The following NUBPL variants were observed in gnomAD, a reference collection of about 807,000 sequenced individuals.
NUBPL encodes iron-sulfur cluster transfer protein NUBPL.
Under a neutral mutation model 45.7 loss-of-function variants are expected in NUBPL, and 31 were observed. The observed-to-expected ratio is 0.68, with a 90% CI of 0.51 to 0.92. The LOEUF (loss-of-function observed/expected upper bound fraction) is 0.92, where lower values mean the gene tolerates loss of function less well. Ranked by LOEUF, NUBPL falls within the 40% of genes least tolerant of loss-of-function variation. NUBPL has a pLI of 0.00. For missense variants in NUBPL, 401 were observed against 398.7 expected (o/e 1.01, Z -0.05); for synonymous variants, 144 against 140.9 (o/e 1.02, Z -0.15).
At chr14:31,647,752 G>T (rs914909316) in intron 4 of NUBPL, among the ~76,000 whole-genome samples, 1 of 152,182 alleles carries the variant, frequency 6.6e-6, no homozygotes, top group African/African-American at 2.4e-5. Context: ...TTGAGGCTGG[G>T]ACAGATCTTC....
chr14:31,716,392 G>A (rs971236266), intron 6 of NUBPL, among the ~76,000 whole-genome samples: 1 of 152,042 alleles, frequency 6.6e-6, no homozygotes, highest in Non-Finnish European at 1.5e-5. Context: ...TTATGTGACT[G>A]GCAGTGCAGT....
intron 3 of NUBPL, among the ~76,000 whole-genome samples, chr14:31,580,728 A>G (rs2033839734): frequency 1.3e-5 from 2 of 152,212 alleles, no homozygotes; most frequent in Admixed American, 6.5e-5. Context: ...GAATTGAGTA[A>G]TTGGGCCACA....
At chr14:31,749,972 A>G (rs572285728) in intron 6 of NUBPL, among the ~76,000 whole-genome samples, 30 of 152,118 alleles carry the variant, frequency 2.0e-4, no homozygotes, top group Non-Finnish European at 3.4e-4. Flanking sequence ...TCTTCTGATG[A>G]TCTATTCTAT....
intron 4 of NUBPL, among the ~76,000 whole-genome samples, chr14:31,599,751 AGTG>A: frequency 6.6e-6 from 1 of 152,276 alleles, no homozygotes; most frequent in African/African-American, 2.4e-5. Context: ...AAGCAGTCAT[AGTG>A]GTGGTGGGTT....
At chr14:31,855,660 T>G (rs2040605657) in intron 10 of NUBPL, among the ~76,000 whole-genome samples, 1 of 152,092 alleles carries the variant, frequency 6.6e-6, no homozygotes, top group African/African-American at 2.4e-5. Context: ...AAAATGACTT[T>G]TAATACTTTT....
chr14:31,833,563 A>G (rs1329502771), intron 8 of NUBPL, among the ~76,000 whole-genome samples: 2 of 152,136 alleles, frequency 1.3e-5, no homozygotes, highest in African/African-American at 2.4e-5. Flanking sequence ...TTACAAGTAG[A>G]CCCCAAAATA....
chr14:31,745,360 G>GTCCC (rs2038375368), intron 6 of NUBPL, among the ~76,000 whole-genome samples: 1 of 150,322 alleles, frequency 6.7e-6, no homozygotes, highest in African/African-American at 2.5e-5. Flanking sequence ...CTTCATCCAT[G>GTCCC]TCCCTACAAA....
At position 31,667,151 on chromosome 14, in the gene NUBPL, C is replaced by T. The variant is rs546228645; in HGVS notation, c.383-6204C>T. ...TGATATCCTGAAGAGTGTTTTCCAG[C>T]TCGGTTACATTCTCCTCATCACTTT... On this transcript the variant is annotated intron_variant, in intron 4 of 10. Transcript: ENST00000281081. Among the ~76,000 whole-genome samples, 6 of 152,228 alleles carry T rather than the reference C, an allele frequency of 3.9e-5. No homozygotes were observed. In the South Asian group the frequency reaches 1.2e-3, roughly 32 times the overall value.
intron 6 of NUBPL, among the ~76,000 whole-genome samples, chr14:31,764,717 T>G (rs573927662): frequency 1.9e-4 from 29 of 152,304 alleles, no homozygotes; most frequent in Non-Finnish European, 3.2e-4. Flanking sequence ...CTTAATGGTC[T>G]TTTAATGAGA....
In NUBPL at chr14:31,692,210, A is replaced by G. The variant is rs144329146; in HGVS notation, c.513+18636A>G. On this transcript the variant is annotated intron_variant, in intron 6 of 10. Transcript: ENST00000281081. Reference sequence around the variant, plus strand: ...ATAATTATAGGTGTAAACATCTAATACATTTCACTCAATGAATAACTGATA... The same window carrying G: ...ATAATTATAGGTGTAAACATCTAATGCATTTCACTCAATGAATAACTGATA... Among the ~76,000 whole-genome samples, 423 of 152,330 alleles carry G rather than the reference A, an allele frequency of 2.8e-3. 2 individuals are homozygous for G. Among genetic ancestry groups the G allele is most frequent in the African/African-American group, 9.1e-3 (380 of 41,584 alleles).
intron 4 of NUBPL, among the ~76,000 whole-genome samples, chr14:31,619,140 A>C (rs2034991423): frequency 2.6e-5 from 4 of 152,074 alleles, no homozygotes; most frequent in Non-Finnish European, 1.5e-5. Flanking sequence ...TTGCTTGGTA[A>C]ATATTCCTCC....
rs549196066 is a variant in NUBPL at position 31,851,242 on chromosome 14, T to C, written c.897+1041T>C. Among the ~76,000 whole-genome samples the C allele has an allele frequency of 2.0e-5, 3 of 151,826 alleles. No homozygotes were observed. In the South Asian group the frequency reaches 6.2e-4, roughly 32 times the overall value. On this transcript the variant is annotated intron_variant, in intron 10 of 10. Transcript: ENST00000281081. ...AATCTTCTAATAGTTTTTCTTTTTT[T>C]TTTTTTTTCTTTTCCTTAACTAATG...
At chr14:31,743,139 C>T (rs949024897) in intron 6 of NUBPL, among the ~76,000 whole-genome samples, 1 of 152,088 alleles carries the variant, frequency 6.6e-6, no homozygotes, top group Admixed American at 6.5e-5. Context: ...CTGAGCCTAA[C>T]AGTCTCCTTC....
chr14:31,825,792 T>C (rs1460018156), intron 7 of NUBPL, among the ~76,000 whole-genome samples: 1 of 145,014 alleles, frequency 6.9e-6, no homozygotes, highest in East Asian at 2.0e-4. Flanking sequence ...TCTTCTTTCT[T>C]CATTTCTTCT....
intron 10 of NUBPL, among the ~76,000 whole-genome samples, chr14:31,851,013 T>TATA (rs1368215211): frequency 6.6e-6 from 1 of 152,150 alleles, no homozygotes; most frequent in Non-Finnish European, 1.5e-5. Flanking sequence ...GCCAACATAG[T>TATA]TGGAGATATA....
rs143370234 is a variant in NUBPL, at chr14:31,785,989, C to T, written c.514-1791C>T. On this transcript the variant is annotated intron_variant, in intron 6 of 10. Coordinates refer to ENST00000281081, the MANE Select transcript of NUBPL (RefSeq NM_025152.3). ...GCTTGGCAACATGGCGAAACCCTGT[C>T]TCTACAAAAAATACAAAAATTGACC... Among the ~76,000 whole-genome samples, 995 of 152,052 alleles carry T rather than the reference C, an allele frequency of 6.5e-3. 12 individuals are homozygous for T. The highest frequency in any genetic ancestry group is 0.022 in the African/African-American group (932 of 41,500).
chr14:31,598,876 C>T (rs1163558458), intron 3 of NUBPL, among the ~76,000 whole-genome samples: 1 of 152,064 alleles, frequency 6.6e-6, no homozygotes, highest in African/African-American at 2.4e-5. Flanking sequence ...GACAAGCTTT[C>T]CAAAAGTTAA....
intron 7 of NUBPL, among the ~76,000 whole-genome samples, chr14:31,805,791 AG>A (rs1416857799): frequency 6.6e-6 from 1 of 151,268 alleles, no homozygotes; most frequent in Non-Finnish European, 1.5e-5. Context: ...GCTGAAAAAA[AG>A]TAACTATTGG....
chr14:31,661,578 G>T (rs897805914), intron 4 of NUBPL, among the ~76,000 whole-genome samples: 1 of 152,110 alleles, frequency 6.6e-6, no homozygotes, highest in Non-Finnish European at 1.5e-5. Context: ...GTCTCGCACT[G>T]TCACCCAGGC....
Sources: allele counts gnomAD v4.1 joint callset (sites outside exome capture counted in the v4.1 genomes callset), GRCh38; gene constraint gnomAD v4.1.1; transcripts MANE v1.5; gene names NCBI Gene and HGNC (gene_info 2026-07-23, HGNC 2026-07-21).